Variants in NLGN4X observed in about 807,000 individuals in gnomAD.
The protein encoded by NLGN4X is neuroligin 4 X-linked.
A neutral mutation model predicts 40.3 loss-of-function variants in NLGN4X; 3 were observed. The observed-to-expected ratio is 0.07, with a 90% CI of 0.03 to 0.19. The LOEUF (loss-of-function observed/expected upper bound fraction) is 0.19. Among genes scored for constraint, NLGN4X ranks in the 10% least tolerant of loss-of-function variants. The pLI is 1.00. For missense variants in NLGN4X, 382 were observed against 708.3 expected (o/e 0.54, Z 5.23); for synonymous variants, 270 against 306.8 (o/e 0.88, Z 1.25).
intron 3 of NLGN4X, among the ~76,000 whole-genome samples, chrX:6,003,824 T>C (rs1321882832): frequency 8.9e-6 from 1 of 112,060 alleles, no homozygotes; most frequent in African/African-American, 3.2e-5. Context: ...AAACAGGCAG[T>C]GTAACACTTC....
In NLGN4X at chrX:5,890,179, T is replaced by G. The variant is rs1434966077; in HGVS notation, c.*2638A>C. 1 of 192,985 alleles carries G rather than the reference T, an allele frequency of 5.2e-6. No homozygotes were observed. The highest frequency in any genetic ancestry group is 3.2e-5 in the African/African-American group (1 of 31,680). The allele number at this position is 192,985 out of a possible 1,213,427, so 15.9% of individuals were successfully genotyped here. On this transcript the variant is annotated 3_prime_UTR_variant, in exon 6 of 6. Transcript: ENST00000381095. ...TGCAAAATAATAACCCAAGGAACCA[T>G]TAAACCCTGCGTGCCTTTGAAGATC... is the stretch of plus-strand genomic sequence containing the variant.
chrX:6,184,185 T>G (rs1184762616), intron 1 of NLGN4X, among the ~76,000 whole-genome samples: 1 of 112,393 alleles, frequency 8.9e-6, no homozygotes, highest in East Asian at 2.8e-4. Context: ...ATTTTAAAGT[T>G]TACCTTGATT....
intron 3 of NLGN4X, among the ~76,000 whole-genome samples, chrX:6,021,314 C>T (rs1043647047): frequency 1.8e-5 from 2 of 109,214 alleles, no homozygotes; most frequent in Non-Finnish European, 1.9e-5. Context: ...CAGCTGAGGA[C>T]GAGGGAGCCT....
chrX:6,122,814 G>A (rs6638599), intron 2 of NLGN4X, among the ~76,000 whole-genome samples: 43,428 of 104,425 alleles, frequency 0.42, 7,107 homozygotes, highest in Middle Eastern at 0.62. Context: ...ACGAGATACC[G>A]GGGAGAAGAA....
intron 3 of NLGN4X, among the ~76,000 whole-genome samples, chrX:5,987,717 A>G (rs1373207252): frequency 8.9e-6 from 1 of 112,033 alleles, no homozygotes; most frequent in African/African-American, 3.2e-5. Flanking sequence ...ATCACCAGAG[A>G]GTGATTCATG....
intron 1 of NLGN4X, among the ~76,000 whole-genome samples, chrX:6,198,312 G>A (rs368385131): frequency 5.4e-5 from 6 of 111,565 alleles, no homozygotes; most frequent in Non-Finnish European, 9.4e-5. Flanking sequence ...TGGGTAGTCA[G>A]TCAAGAAGAC....
chrX:6,110,772 A>T (rs1463059053), intron 2 of NLGN4X, among the ~76,000 whole-genome samples: 1 of 111,947 alleles, frequency 8.9e-6, no homozygotes, highest in Non-Finnish European at 1.9e-5. Context: ...CTGGCTAACA[A>T]ATTTTTGAGT....
rs767675516 is a variant in NLGN4X at position 6,195,235 on chromosome X, T to C, written c.-306+33306A>G. On this transcript the variant is annotated intron_variant, in intron 1 of 5. Coordinates refer to ENST00000381095, the MANE Select transcript of NLGN4X (RefSeq NM_181332.3). The stretch of plus-strand genomic sequence containing the variant: ...ACTCTTAATTGTCTCCAAAAACATA[T>C]AAGGTATATGTGAGCTTTATCCCCA... Among the ~76,000 whole-genome samples, 12 of 112,195 alleles carry C rather than the reference T, an allele frequency of 1.1e-4. No individual in the cohort carries two copies. In the East Asian group the frequency reaches 3.4e-3, roughly 31 times the overall value.
intron 1 of NLGN4X, among the ~76,000 whole-genome samples, chrX:6,190,226 CAA>C (rs1391924896): frequency 9.0e-6 from 1 of 111,079 alleles, no homozygotes; most frequent in Non-Finnish European, 1.9e-5. Context: ...TTGTTGGAAA[CAA>C]GAGTTCCATA....
intron 1 of NLGN4X, among the ~76,000 whole-genome samples, chrX:6,175,124 C>A (rs1244047615): frequency 9.0e-6 from 1 of 111,535 alleles, no homozygotes; most frequent in South Asian, 3.8e-4. Context: ...GCTAATACAA[C>A]ATTCAATCCA....
intron 3 of NLGN4X, among the ~76,000 whole-genome samples, chrX:5,929,477 T>A (rs2033463289): frequency 9.0e-6 from 1 of 111,177 alleles, no homozygotes; most frequent in African/African-American, 3.3e-5. Flanking sequence ...CATACAAAAA[T>A]GTATATGTGT....
intron 3 of NLGN4X, among the ~76,000 whole-genome samples, chrX:5,967,591 G>A (rs1008364402): frequency 7.6e-4 from 62 of 81,077 alleles, no homozygotes; most frequent in African/African-American, 2.4e-3. Flanking sequence ...AACCTTTGCT[G>A]TCACATTGTC....
At chrX:6,110,026 G>A (rs1321366087) in intron 2 of NLGN4X, among the ~76,000 whole-genome samples, 1 of 111,103 alleles carries the variant, frequency 9.0e-6, no homozygotes, top group East Asian at 2.8e-4. Context: ...ACACAGAAAA[G>A]GAAAATCACA....
rs374097705 is a variant in NLGN4X, at chrX:6,196,551, C to CAAA, written c.-306+31987_-306+31989dup. Among the ~76,000 whole-genome samples, 12 of 23,314 alleles carry CAAA rather than the reference C, an allele frequency of 5.1e-4. 1 individual carries two copies. The highest frequency in any genetic ancestry group is 0.077 in the Middle Eastern group (1 of 13). The allele number at this position is 23,314 out of a possible 115,157, so 20.2% of individuals were successfully genotyped here. A position where few individuals can be genotyped will look rare whatever the true frequency, so the allele number is the denominator to read the frequency against. ...TGGGCGACAGAGCGAGACTCTGTCT[C>CAAA]AAAAAAAAAAAAAAAAAAAAAAAAA... On this transcript the variant is annotated intron_variant, in intron 1 of 5. Transcript: ENST00000381095.
At chrX:6,208,748 G>A (rs1318072639) in intron 1 of NLGN4X, among the ~76,000 whole-genome samples, 1 of 111,804 alleles carries the variant, frequency 8.9e-6, no homozygotes, top group Non-Finnish European at 1.9e-5. Context: ...TGATGAGGAT[G>A]CAGAGAGAAG....
chrX:6,006,049 T>A (rs2036094759), intron 3 of NLGN4X, among the ~76,000 whole-genome samples: 2 of 111,782 alleles, frequency 1.8e-5, no homozygotes, highest in Non-Finnish European at 3.8e-5. Context: ...TGCATGCCTT[T>A]TCTTCAATTA....
chrX:6,043,088 C>T (rs942757975), intron 2 of NLGN4X, among the ~76,000 whole-genome samples: 2 of 103,068 alleles, frequency 1.9e-5, no homozygotes, highest in Non-Finnish European at 3.9e-5. Context: ...AAAACAACAA[C>T]AAAACCATCA....
chrX:5,955,456 A>G (rs1442432938), intron 3 of NLGN4X, among the ~76,000 whole-genome samples: 1 of 111,688 alleles, frequency 9.0e-6, no homozygotes, highest in South Asian at 3.7e-4. Context: ...ACCAGTAGAA[A>G]AGAATTATAA....
intron 3 of NLGN4X, among the ~76,000 whole-genome samples, chrX:6,008,169 G>C (rs12012906): frequency 0.07 from 7,833 of 111,468 alleles, 617 homozygotes; most frequent in African/African-American, 0.23. Flanking sequence ...TAGTATATTT[G>C]CATTTTTGTG....
Sources: gnomAD v4.1 joint callset for allele counts (sites outside exome capture counted in the v4.1 genomes callset) on GRCh38, gnomAD v4.1.1 for gene constraint, MANE v1.5 for transcripts, NCBI Gene and HGNC (gene_info 2026-07-23, HGNC 2026-07-21) for gene names.